Variants in PCBP3 observed in about 807,000 individuals in gnomAD.
The protein encoded by PCBP3 is poly(rC) binding protein 3, also known as poly(rC)-binding protein 3.
PCBP3 carries 25 observed loss-of-function variants against 52.7 expected under a neutral mutation model. The observed-to-expected ratio is 0.47, with a 90% confidence interval of 0.35 to 0.66. The LOEUF is 0.66. PCBP3 is among the 30% of genes least tolerant of loss of function. The probability of loss-of-function intolerance (pLI) is 0.01; values close to 1 mark genes in which losing one functional copy is unlikely to be tolerated. For synonymous variants in PCBP3, 162 were observed against 183.0 expected (o/e 0.89, Z 0.93); for missense variants, 391 against 490.3 (o/e 0.80, Z 1.91).
intron 5 of PCBP3, among the ~76,000 whole-genome samples, chr21:45,864,490 C>G (rs1361522217): frequency 6.6e-6 from 1 of 152,192 alleles, no homozygotes; most frequent in African/African-American, 2.4e-5. Flanking sequence ...TCATAAGTTA[C>G]AACAAAATTT....
chr21:45,935,358 G>T lies in PCBP3; in HGVS notation c.909+53G>T, dbSNP rs1203464594. ...CCCTGGGTAGAAACACCAGGCACAA[G>T]TGGCTGTCAGCTCTGCTGTCCTTTG... On this transcript the variant is annotated intron_variant, in intron 16 of 17. Transcript: ENST00000681687. 4 of 1,349,360 alleles carry T rather than the reference G, an allele frequency of 3.0e-6. 1 individual carries two copies. The South Asian group carries it at 3.6e-5, about 12-fold the overall frequency. The allele number at this position is 1,349,360 out of a possible 1,614,324, so 83.6% of individuals were successfully genotyped here.
chr21:45,766,171 C>T (rs1234199471), intron 4 of PCBP3, among the ~76,000 whole-genome samples: 1 of 152,224 alleles, frequency 6.6e-6, no homozygotes, highest in Non-Finnish European at 1.5e-5. Flanking sequence ...CTTAGTGAGG[C>T]GCCTGCCCTG....
intron 2 of PCBP3, among the ~76,000 whole-genome samples, chr21:45,693,125 A>G (rs1569123285): frequency 6.6e-6 from 1 of 152,270 alleles, no homozygotes; most frequent in East Asian, 1.9e-4. Flanking sequence ...GGAACATACA[A>G]TAATTTCGTC....
intron 1 of PCBP3, among the ~76,000 whole-genome samples, chr21:45,654,089 T>A (rs1603117696): frequency 6.6e-6 from 1 of 152,272 alleles, no homozygotes; most frequent in East Asian, 1.9e-4. Flanking sequence ...TTCAGTGAAA[T>A]AAATTAATAT....
At chr21:45,685,775 A>G (rs2082114085) in intron 2 of PCBP3, among the ~76,000 whole-genome samples, 1 of 152,348 alleles carries the variant, frequency 6.6e-6, no homozygotes, top group South Asian at 2.1e-4. Flanking sequence ...GAAGAGAAGT[A>G]AAATCAGCCC....
chr21:45,740,912 A>G (rs923371739), intron 3 of PCBP3, among the ~76,000 whole-genome samples: 1 of 152,192 alleles, frequency 6.6e-6, no homozygotes, highest in African/African-American at 2.4e-5. Flanking sequence ...TACGGTTGAC[A>G]TAGGAAAGCT....
At chr21:45,697,075 G>A (rs2082824913) in intron 2 of PCBP3, among the ~76,000 whole-genome samples, 1 of 152,094 alleles carries the variant, frequency 6.6e-6, no homozygotes, top group African/African-American at 2.4e-5. Context: ...AAATATGTCT[G>A]GCAAGTATCT....
At chr21:45,818,056 A>G (rs1440568025) in intron 4 of PCBP3, among the ~76,000 whole-genome samples, 1 of 151,976 alleles carries the variant, frequency 6.6e-6, no homozygotes, top group Non-Finnish European at 1.5e-5. Flanking sequence ...AGAGTCTCGC[A>G]CTGTCGCCCA....
chr21:45,768,436 A>C (rs550057459), intron 4 of PCBP3, among the ~76,000 whole-genome samples: 3 of 152,354 alleles, frequency 2.0e-5, no homozygotes, highest in East Asian at 3.9e-4. Flanking sequence ...GTTACTGAGC[A>C]TCAGACTGTG....
At chr21:45,757,959 T>A (rs970451845) in intron 4 of PCBP3, among the ~76,000 whole-genome samples, 2 of 151,986 alleles carry the variant, frequency 1.3e-5, no homozygotes, top group Admixed American at 1.3e-4. Flanking sequence ...CGATCTCGGC[T>A]CACTGCAACC....
In PCBP3 at chr21:45,821,819, G is replaced by C. The variant is rs900723637; in HGVS notation, c.-125-28142G>C. On this transcript the variant is annotated intron_variant, in intron 4 of 17. Transcript: ENST00000681687. This position sits in a 1 kb window ranked among gnomAD's most constrained non-coding sequence, Gnocchi z 4.4. ...AGGTCATGGGAGGCAGCAGAGCCCAGCCCTGGCCCTTCGAGCTTCCGTCCT... is the reference window on the plus strand; with the variant it reads ...AGGTCATGGGAGGCAGCAGAGCCCACCCCTGGCCCTTCGAGCTTCCGTCCT... Among the ~76,000 whole-genome samples, 1 of 152,224 alleles carries C rather than the reference G, an allele frequency of 6.6e-6. No individual in the cohort carries two copies. Among genetic ancestry groups the C allele is most frequent in the Non-Finnish European group, 1.5e-5 (1 of 68,032 alleles).
intron 1 of PCBP3, among the ~76,000 whole-genome samples, chr21:45,662,699 G>C (rs946115050): frequency 6.6e-6 from 1 of 151,660 alleles, no homozygotes; most frequent in Non-Finnish European, 1.5e-5. Flanking sequence ...AGAAAAAACC[G>C]GGCCATACAG....
intron 7 of PCBP3, among the ~76,000 whole-genome samples, chr21:45,900,156 G>A (rs1469038461): frequency 6.6e-6 from 1 of 152,074 alleles, no homozygotes; most frequent in African/African-American, 2.4e-5. Flanking sequence ...CCATGGGGGC[G>A]CCTCTAGTAG....
At position 45,931,208 on chromosome 21, in the gene PCBP3, T is replaced by C. The variant is rs567217624; in HGVS notation, c.856+363T>C. Among the ~76,000 whole-genome samples the C allele has an allele frequency of 2.9e-3, 436 of 152,370 alleles. 1 individual carries two copies. Among genetic ancestry groups the C allele is most frequent in the Non-Finnish European group, 4.9e-3 (331 of 68,030 alleles). ...CCCCTCCCGACTTGCATTAAAATGTTCATTCCTCAGATACTGTGGGGTAGC... is the reference window on the plus strand; with the variant it reads ...CCCCTCCCGACTTGCATTAAAATGTCCATTCCTCAGATACTGTGGGGTAGC... On this transcript the variant is annotated intron_variant, in intron 15 of 17. Transcript: ENST00000681687.
chr21:45,784,385 TCTACCTCTACCG>T lies in PCBP3; in HGVS notation c.-126+28951_-126+28962del, dbSNP rs796425243. ...CTCTACCTCTACCTCTACCTCTACC[TCTACCTCTACCG>T]CTACCTCTACCGCTACCGCTACCCC... On this transcript the variant is annotated intron_variant, in intron 4 of 17. Transcript: ENST00000681687. Among the ~76,000 whole-genome samples, 745 of 116,156 alleles carry T rather than the reference TCTACCTCTACCG, an allele frequency of 6.4e-3. 20 individuals are homozygous for T. Among genetic ancestry groups the T allele is most frequent in the East Asian group, 0.026 (106 of 4,020 alleles). 76.2% of individuals were successfully genotyped at this position (116,156 alleles called of 152,430 possible). A position where few individuals can be genotyped will look rare whatever the true frequency, so the allele number is the denominator to read the frequency against.
chr21:45,883,458 G>A (rs1479727770), intron 5 of PCBP3, among the ~76,000 whole-genome samples: 2 of 152,208 alleles, frequency 1.3e-5, no homozygotes, highest in Non-Finnish European at 2.9e-5. Context: ...TCTCTGCCCA[G>A]TGGTTCTTTC....
intron 4 of PCBP3, among the ~76,000 whole-genome samples, chr21:45,840,475 A>AT (rs1253841871): frequency 1.3e-5 from 2 of 151,702 alleles, no homozygotes; most frequent in Admixed American, 1.3e-4. Context: ...AAAAAAAAAA[A>AT]AGTTACAGTA....
At chr21:45,900,667 G>T in intron 8 of PCBP3, 44 bp downstream of exon 8, 1 of 1,312,812 alleles carries the variant, frequency 7.6e-7, no homozygotes, top group South Asian at 1.2e-5. Flanking sequence ...ATTCCCGGGT[G>T]GGCGGGGTGG....
intron 5 of PCBP3, among the ~76,000 whole-genome samples, chr21:45,890,088 T>G (rs2095615997): frequency 6.6e-6 from 1 of 152,230 alleles, no homozygotes; most frequent in South Asian, 2.1e-4. Context: ...GTGGGAGACG[T>G]GGCCTCGCAG....
Sources: gnomAD v4.1 joint callset for allele counts (sites outside exome capture counted in the v4.1 genomes callset) on GRCh38, gnomAD v4.1.1 for gene constraint, Gnocchi (gnomAD v3.1) non-coding constraint, MANE v1.5 for transcripts, NCBI Gene and HGNC (gene_info 2026-07-23, HGNC 2026-07-21) for gene names.